The following DHX33 variants were observed in gnomAD, a reference collection of about 807,000 sequenced individuals.
DHX33 encodes ATP-dependent RNA helicase DHX33.
A neutral mutation model predicts 72.5 loss-of-function variants in DHX33; 42 were observed. The observed-to-expected ratio is 0.58, with a 90% CI of 0.45 to 0.75. The LOEUF is 0.75. Ranked by LOEUF, DHX33 falls within the 30% of genes least tolerant of loss-of-function variation. The probability of loss-of-function intolerance (pLI) is 0.00; values close to 1 mark genes in which losing one functional copy is unlikely to be tolerated. For synonymous variants in DHX33, 358 were observed against 366.1 expected, an observed-to-expected ratio of 0.98 and a Z score of 0.25; for missense variants, 842 against 917.5, an observed-to-expected ratio of 0.92 and a Z score of 1.06.
Position 5,468,962 on chromosome 17 carries a change from T to TTTCAG in DHX33, c.-104_-103insCTGAA. The TTTCAG allele has an allele frequency of 9.9e-7, 1 of 1,012,796 alleles. No individual in the cohort carries two copies. The highest frequency in any genetic ancestry group is 1.4e-6 in the Non-Finnish European group (1 of 697,126). The allele number at this position is 1,012,796 out of a possible 1,614,324, so 62.7% of individuals were successfully genotyped here. The stretch of plus-strand genomic sequence containing the variant: ...CCGCCCCTTCCTCGCCGCCACGTGC[T>TTTCAG]GGCGGCTCCCGGCGACCACCGATGA... On this transcript the variant is annotated 5_prime_UTR_variant, in exon 1 of 12. Transcript: ENST00000225296.
At chr17:5,460,204 C>T (rs1280982335) in intron 4 of DHX33, among the ~76,000 whole-genome samples, 1 of 151,326 alleles carries the variant, frequency 6.6e-6, no homozygotes. Context: ...TTAGTACAGA[C>T]GAGGTTTCAC....
rs1306129859 is a variant in DHX33 at position 5,468,922 on chromosome 17, G to C, written c.-63C>G. On this transcript the variant is annotated 5_prime_UTR_variant, in exon 1 of 12. Coordinates refer to ENST00000225296, the MANE Select transcript of DHX33 (RefSeq NM_020162.4). ...GAGCTCCTGCCCCCTCTCAGGTGCA[G>C]ACAACAGGAGCACACCGCCCCTTCC... is the stretch of plus-strand genomic sequence containing the variant. 3 of 1,532,240 alleles carry C rather than the reference G, an allele frequency of 2.0e-6. No individual in the cohort carries two copies. The highest frequency in any genetic ancestry group is 2.6e-6 in the Non-Finnish European group (3 of 1,134,890). The allele number at this position is 1,532,240 out of a possible 1,614,324, so 94.9% of individuals were successfully genotyped here.
intron 11 of DHX33, among the ~76,000 whole-genome samples, chr17:5,447,468 CA>C: frequency 6.6e-6 from 1 of 152,104 alleles, no homozygotes; most frequent in East Asian, 1.9e-4. Context: ...ACTAAAAATA[CA>C]AAATATTAGC....
chr17:5,451,122 T>C (rs973849067), intron 8 of DHX33, among the ~76,000 whole-genome samples, 188 bp from the exon 9 acceptor site: 5 of 152,226 alleles, frequency 3.3e-5, no homozygotes, highest in Non-Finnish European at 4.4e-5. Flanking sequence ...CTTTTCTTTT[T>C]TGAGACAGAG....
chr17:5,449,591 C>T (rs1457250643), intron 10 of DHX33, among the ~76,000 whole-genome samples: 1 of 152,162 alleles, frequency 6.6e-6, no homozygotes, highest in Non-Finnish European at 1.5e-5. Context: ...TATGCACAAC[C>T]ACGCCCGGCT....
intron 1 of DHX33, among the ~76,000 whole-genome samples, chr17:5,466,537 G>A (rs1056132878): frequency 6.6e-6 from 1 of 152,148 alleles, no homozygotes; most frequent in East Asian, 1.9e-4. Context: ...AATAGCTCTC[G>A]ATGGGATGGA....
intron 10 of DHX33, 95 bp from the exon 11 acceptor site, chr17:5,448,990 A>G (rs1260120116): frequency 4.4e-6 from 4 of 907,088 alleles, no homozygotes; most frequent in Non-Finnish European, 5.0e-6. Context: ...GCTGGAGTGC[A>G]GTGATACAAT....
intron 1 of DHX33, among the ~76,000 whole-genome samples, chr17:5,464,846 G>A (rs907112315): frequency 1.1e-4 from 17 of 152,272 alleles, no homozygotes; most frequent in African/African-American, 3.6e-4. Context: ...CACACTATGG[G>A]CAGAACACCT....
At chr17:5,466,268 T>C (rs910653115) in intron 1 of DHX33, among the ~76,000 whole-genome samples, 2 of 152,212 alleles carry the variant, frequency 1.3e-5, no homozygotes, top group African/African-American at 2.4e-5. Flanking sequence ...TTAGATAATA[T>C]CACCCAACCA....
At chr17:5,455,830 G>A (rs545005894) in intron 5 of DHX33, among the ~76,000 whole-genome samples, 167 bp downstream of exon 5, 45 of 152,184 alleles carry the variant, frequency 3.0e-4, no homozygotes, top group Non-Finnish European at 5.3e-4. Flanking sequence ...GGAGCGCTGC[G>A]TGTGTCACCG....
At chr17:5,447,580 C>T (rs569830783) in intron 11 of DHX33, among the ~76,000 whole-genome samples, 31 of 151,314 alleles carry the variant, frequency 2.0e-4, no homozygotes, top group Non-Finnish European at 3.1e-4. Context: ...GCCAAGATCG[C>T]GCCACTGCAC....
intron 4 of DHX33, among the ~76,000 whole-genome samples, chr17:5,457,606 CAA>C (rs55832565): frequency 2.1e-5 from 2 of 95,848 alleles, no homozygotes; most frequent in Admixed American, 1.3e-4. Context: ...GACTCCATCT[CAA>C]AAAAAAAAAA....
At position 5,455,189 on chromosome 17, in the gene DHX33, C is replaced by A; in HGVS notation, c.1118G>T (p.Gly373Val). The A allele has an allele frequency of 6.2e-7, 1 of 1,614,096 alleles. No individual in the cohort carries two copies. The highest frequency in any genetic ancestry group is 1.3e-5 in the African/African-American group (1 of 75,040). Residue 373 changes from glycine (G) to valine (V), a missense_variant, in exon 6 of 12, where the codon GGC becomes GTC. Coordinates refer to ENST00000225296, the MANE Select transcript of DHX33 (RefSeq NM_020162.4). ...GTTATACTTCTTTGCTTTAACCATG[C>A]CCGTGTCAACTACATATTTTATTCC... ...ITGIKYVVDT[G>V]MVKAKKYNPD... is the part of the protein sequence containing the mutation.
Position 5,464,370 on chromosome 17 carries a change from C to T in DHX33, c.290-681G>A, listed in dbSNP as rs1211075463. Among the ~76,000 whole-genome samples the T allele has an allele frequency of 5.3e-5, 8 of 152,144 alleles. No individual in the cohort carries two copies. In the East Asian group the frequency reaches 1.5e-3, roughly 29 times the overall value. Reference sequence around the variant, plus strand: ...ACAAAAAGCAAATTGACATAAATTTCACCAAACAAACAGCTCAAAGTCAGA... The same window carrying T: ...ACAAAAAGCAAATTGACATAAATTTTACCAAACAAACAGCTCAAAGTCAGA... On this transcript the variant is annotated intron_variant, in intron 1 of 11. Coordinates refer to ENST00000225296, the MANE Select transcript of DHX33 (RefSeq NM_020162.4).
At chr17:5,465,214 G>A (rs1904824471) in intron 1 of DHX33, among the ~76,000 whole-genome samples, 1 of 152,054 alleles carries the variant, frequency 6.6e-6, no homozygotes, top group South Asian at 2.1e-4. Flanking sequence ...CTACCACCAG[G>A]CCTCTCTGAC....
At chr17:5,445,343 T>C (rs1159330373) in intron 11 of DHX33, among the ~76,000 whole-genome samples, 1 of 152,160 alleles carries the variant, frequency 6.6e-6, no homozygotes, top group Non-Finnish European at 1.5e-5. Flanking sequence ...CCTCCCAAAG[T>C]GCTGGGATTA....
intron 11 of DHX33, among the ~76,000 whole-genome samples, chr17:5,448,033 G>C (rs1239123931): frequency 6.6e-6 from 1 of 152,056 alleles, no homozygotes; most frequent in African/African-American, 2.4e-5. Flanking sequence ...ACAAAAATTA[G>C]CCAGGCGTGG....
Position 5,450,825 on chromosome 17 carries a change from T to A in DHX33, c.1506A>T (p.Leu502Phe). 6.2e-7 allele frequency: 1 copy of A among 1,614,204 alleles called. No homozygotes were observed. Among genetic ancestry groups the A allele is most frequent in the Non-Finnish European group, 8.5e-7 (1 of 1,180,028 alleles). The change falls in exon 9 of 12, where the codon TTA (leucine) becomes TTT (phenylalanine). Residue 502 changes from leucine (L) to phenylalanine (F), a missense_variant. Coordinates refer to ENST00000225296, the MANE Select transcript of DHX33 (RefSeq NM_020162.4). ...PMGRKMAAFP[L>F]EPKFAKTILM... The stretch of plus-strand genomic sequence containing the variant: ...CATTTACTTTGGCAAATTTGGGTTC[T>A]AAAGGAAATGCTGCCATCTTTCTTC...
In DHX33 at chr17:5,444,902, T is replaced by A. The variant is rs1454893846; in HGVS notation, c.1816-389A>T. ...ATCTCCTCACTCCGATTCACCCACC[T>A]GCTGCTGCCAAGCTAATCTACCTAA... On this transcript the variant is annotated intron_variant, in intron 11 of 11. Coordinates refer to ENST00000225296, the MANE Select transcript of DHX33 (RefSeq NM_020162.4). This position sits in a 1 kb window ranked among gnomAD's most constrained non-coding sequence, Gnocchi z 4.9. 6.6e-6 allele frequency among the ~76,000 whole-genome samples: 1 copy of A among 152,094 alleles called. No homozygotes were observed. Among genetic ancestry groups the A allele is most frequent in the African/African-American group, 2.4e-5 (1 of 41,456 alleles).
Sources: gnomAD v4.1 joint callset for allele counts (sites outside exome capture counted in the v4.1 genomes callset) on GRCh38, gnomAD v4.1.1 for gene constraint, Gnocchi (gnomAD v3.1) non-coding constraint, MANE v1.5 for transcripts, NCBI Gene and HGNC (gene_info 2026-07-23, HGNC 2026-07-21) for gene names.